Variants in RABGAP1L observed in about 807,000 individuals in gnomAD.
RABGAP1L encodes rab GTPase-activating protein 1-like.
RABGAP1L carries 63 observed loss-of-function variants against 137.7 expected under a neutral mutation model. That is an observed-to-expected ratio of 0.46 (90% CI 0.37 to 0.56). RABGAP1L has a LOEUF of 0.56. Among genes scored for constraint, RABGAP1L ranks in the 20% least tolerant of loss-of-function variants. The probability of loss-of-function intolerance (pLI) is 0.00; values close to 1 mark genes in which losing one functional copy is unlikely to be tolerated. For synonymous variants in RABGAP1L, 431 were observed against 433.7 expected, an observed-to-expected ratio of 0.99 and a Z score of 0.08; for missense variants, 1,095 against 1,244.0, an observed-to-expected ratio of 0.88 and a Z score of 1.80.
intron 2 of RABGAP1L, among the ~76,000 whole-genome samples, chr1:174,219,742 A>G (rs1220825921): frequency 3.9e-5 from 6 of 152,156 alleles, no homozygotes; most frequent in Non-Finnish European, 5.9e-5. Flanking sequence ...TTTTTAAAGC[A>G]TATCTTATAT....
At chr1:174,445,354 A>G (rs937303337) in intron 13 of RABGAP1L, among the ~76,000 whole-genome samples, 3 of 152,164 alleles carry the variant, frequency 2.0e-5, no homozygotes, top group African/African-American at 7.2e-5. Flanking sequence ...TGTGTAGCTC[A>G]AGCACTTAGA....
At chr1:174,396,180 G>A (rs1031163951) in intron 13 of RABGAP1L, among the ~76,000 whole-genome samples, 2 of 152,048 alleles carry the variant, frequency 1.3e-5, no homozygotes, top group Admixed American at 6.6e-5. Context: ...AGGAATTGGG[G>A]GTCACTGCTA....
chr1:174,623,434 G>A (rs1672697239), intron 13 of RABGAP1L, among the ~76,000 whole-genome samples: 1 of 152,166 alleles, frequency 6.6e-6, no homozygotes, highest in Non-Finnish European at 1.5e-5. Context: ...GCTCATGGAA[G>A]CTGACAGAAA....
chr1:174,881,953 C>T (rs1324117262), intron 19 of RABGAP1L, among the ~76,000 whole-genome samples: 3 of 152,132 alleles, frequency 2.0e-5, no homozygotes, highest in African/African-American at 7.2e-5. Context: ...TCTCTGCCTC[C>T]CGGGTCCAAG....
At chr1:174,670,709 T>G (rs909915512) in intron 14 of RABGAP1L, among the ~76,000 whole-genome samples, 1 of 152,182 alleles carries the variant, frequency 6.6e-6, no homozygotes, top group Non-Finnish European at 1.5e-5. Context: ...GTTCCATCCA[T>G]GTTGTTGCAA....
chr1:174,943,380 T>C (rs1308677692), intron 19 of RABGAP1L, among the ~76,000 whole-genome samples: 1 of 152,242 alleles, frequency 6.6e-6, no homozygotes, highest in Non-Finnish European at 1.5e-5. Flanking sequence ...TAATCCTCAC[T>C]GGCTAACCTA....
At chr1:174,541,446 T>C (rs548104985) in intron 13 of RABGAP1L, among the ~76,000 whole-genome samples, 1 of 152,270 alleles carries the variant, frequency 6.6e-6, no homozygotes, top group East Asian at 1.9e-4. Flanking sequence ...ATAGCTCTTA[T>C]TATTTTGAGA....
intron 11 of RABGAP1L, among the ~76,000 whole-genome samples, chr1:174,366,625 A>G (rs1684632837): frequency 6.6e-6 from 1 of 151,808 alleles, no homozygotes; most frequent in Non-Finnish European, 1.5e-5. Context: ...TAAAAAAAAA[A>G]TTAGCCGGGT....
chr1:174,618,739 C>A (rs1672148791), intron 13 of RABGAP1L, among the ~76,000 whole-genome samples: 1 of 152,132 alleles, frequency 6.6e-6, no homozygotes, highest in Admixed American at 6.5e-5. Flanking sequence ...GAGTGCCTCT[C>A]CTCCTCCAAA....
intron 15 of RABGAP1L, among the ~76,000 whole-genome samples, chr1:174,699,213 G>T (rs1400645889): frequency 6.6e-6 from 1 of 151,982 alleles, no homozygotes; most frequent in African/African-American, 2.4e-5. Flanking sequence ...GGCTGGTCTC[G>T]AACTCCTGGG....
At chr1:174,581,547 A>G (rs2092084) in intron 13 of RABGAP1L, among the ~76,000 whole-genome samples, 53,672 of 152,046 alleles carry the variant, frequency 0.35, 12,116 homozygotes, top group African/African-American at 0.64. Flanking sequence ...TAGGAGAATC[A>G]GAATTATTGG....
At chr1:174,758,125 G>A (rs1185297865) in intron 18 of RABGAP1L, among the ~76,000 whole-genome samples, 2 of 151,376 alleles carry the variant, frequency 1.3e-5, no homozygotes, top group African/African-American at 4.9e-5. Flanking sequence ...AGCTTTTTTA[G>A]TATCTTACTT....
intron 12 of RABGAP1L, among the ~76,000 whole-genome samples, chr1:174,379,328 T>C (rs1190403939): frequency 2.0e-5 from 3 of 146,654 alleles, no homozygotes; most frequent in Non-Finnish European, 4.5e-5. Context: ...GTGAAGAAAG[T>C]CATTGGTAGC....
At chr1:174,847,227 A>G (rs1277359557) in intron 19 of RABGAP1L, among the ~76,000 whole-genome samples, 1 of 151,562 alleles carries the variant, frequency 6.6e-6, no homozygotes, top group Non-Finnish European at 1.5e-5. Flanking sequence ...GTCCATTTAC[A>G]TTTAAAGTTA....
intron 13 of RABGAP1L, among the ~76,000 whole-genome samples, chr1:174,413,793 C>T (rs1162406149): frequency 6.6e-6 from 1 of 152,080 alleles, no homozygotes; most frequent in Non-Finnish European, 1.5e-5. Flanking sequence ...AATGTACAAG[C>T]CAGTAGATGA....
chr1:174,911,769 C>T (rs544831510), intron 19 of RABGAP1L, among the ~76,000 whole-genome samples: 1 of 152,210 alleles, frequency 6.6e-6, no homozygotes, highest in South Asian at 2.1e-4. Flanking sequence ...GCCTTGATGG[C>T]GTAGAATGGC....
chr1:174,608,470 A>G (rs747714344), intron 13 of RABGAP1L, among the ~76,000 whole-genome samples: 2 of 152,196 alleles, frequency 1.3e-5, no homozygotes, highest in Non-Finnish European at 2.9e-5. Flanking sequence ...TAAGTAACAT[A>G]AGGGAAAAAG....
At chr1:174,312,727 G>A (rs1450593479) in intron 11 of RABGAP1L, among the ~76,000 whole-genome samples, 1 of 152,118 alleles carries the variant, frequency 6.6e-6, no homozygotes, top group African/African-American at 2.4e-5. Context: ...TAGTTTTATA[G>A]TTTGAGGTCT....
chr1:174,813,253 A>G (rs565277953), intron 19 of RABGAP1L, among the ~76,000 whole-genome samples: 1 of 152,302 alleles, frequency 6.6e-6, no homozygotes, highest in African/African-American at 2.4e-5. Flanking sequence ...CAGTGGAGAT[A>G]GAGATGGAGT....
Sources: gnomAD v4.1 joint callset for allele counts (sites outside exome capture counted in the v4.1 genomes callset) on GRCh38, gnomAD v4.1.1 for gene constraint, MANE v1.5 for transcripts, NCBI Gene and HGNC (gene_info 2026-07-23, HGNC 2026-07-21) for gene names.